The following FGD4 variants were observed in gnomAD, a reference collection of about 807,000 sequenced individuals.
FGD4 encodes the protein FYVE, RhoGEF and PH domain containing 4.
In FGD4, 42 loss-of-function variants were observed where a neutral mutation model predicts 102.0. That is an observed-to-expected ratio of 0.41 (90% CI 0.32 to 0.53). The LOEUF (loss-of-function observed/expected upper bound fraction) is 0.53. FGD4 is among the 20% of genes least tolerant of loss of function. The pLI is 0.21. For missense variants in FGD4, 902 were observed against 1,078.2 expected, an observed-to-expected ratio of 0.84 and a Z score of 2.29; for synonymous variants, 380 against 375.7, an observed-to-expected ratio of 1.01 and a Z score of -0.13.
Position 32,418,624 on chromosome 12 carries a change from C to T in FGD4, c.166+18665C>T, listed in dbSNP as rs565096798. ...GGGGGGTGGGGTGTCACCAGCACAC[C>T]GTGGCCACCACAACTGGGACTGTAC... On this transcript the variant is annotated intron_variant, in intron 1 of 16. Transcript: ENST00000534526. Among the ~76,000 whole-genome samples, 118 of 152,236 alleles carry T rather than the reference C, an allele frequency of 7.8e-4. 2 individuals carry two copies. The South Asian group carries it at 0.021, about 28-fold the overall frequency.
rs1055422424 is a variant in FGD4 at position 32,409,053 on chromosome 12, G to C, written c.166+9094G>C. ...CCAAATCACAATTTCTTTTTACATT[G>C]CAATCCAGCCCCTTCTCCTGACTTT... On this transcript the variant is annotated intron_variant, in intron 1 of 16. Coordinates refer to ENST00000534526, the MANE Select transcript of FGD4 (RefSeq NM_001370298.3). Among the ~76,000 whole-genome samples, 7 of 152,176 alleles carry C rather than the reference G, an allele frequency of 4.6e-5. No individual in the cohort carries two copies. In the South Asian group the frequency reaches 1.2e-3, roughly 27 times the overall value.
Position 32,602,227 on chromosome 12 carries a change from A to T in FGD4, c.1314A>T (p.Glu438Asp), listed in dbSNP as rs1174071012. The change falls in exon 7 of 17, where the codon GAA becomes GAT. Residue 438 changes from glutamate (E) to aspartate (D), a missense_variant. By Grantham distance (45) the Glu-to-Asp change is conservative. This residue lies in a region of FGD4 where 459 missense variants were observed against 619.0 expected (regional missense o/e 0.74). Coordinates refer to ENST00000534526, the MANE Select transcript of FGD4 (RefSeq NM_001370298.3). ...KLAPFLKMYG[E>D]YVKGFDNAME... is the part of the protein sequence containing the mutation. ...CACCATTCCTTAAGATGTATGGAGAATATGTGAAAGGATTTGATAATGCAA... is the reference window on the plus strand; with the variant it reads ...CACCATTCCTTAAGATGTATGGAGATTATGTGAAAGGATTTGATAATGCAA... 6.2e-7 allele frequency: 1 copy of T among 1,614,140 alleles called. No individual in the cohort carries two copies. Among genetic ancestry groups the T allele is most frequent in the Non-Finnish European group, 8.5e-7 (1 of 1,179,974 alleles).
chr12:32,636,492 C>G (rs1950823132), intron 15 of FGD4, among the ~76,000 whole-genome samples: 1 of 151,288 alleles, frequency 6.6e-6, no homozygotes, highest in African/African-American at 2.4e-5. Flanking sequence ...AAGATTGAAC[C>G]ATTGCACTCC....
intron 8 of FGD4, 35 bp from the exon 9 acceptor site, chr12:32,610,741 G>C (rs766270649): frequency 6.3e-7 from 1 of 1,582,842 alleles, no homozygotes; most frequent in Non-Finnish European, 8.7e-7. Flanking sequence ...GAAGGACAAA[G>C]CATATTTATT....
chr12:32,520,217 ATTTACTCTTCCAAATTGCTG>A lies in FGD4; in HGVS notation c.167-43918_167-43899del, dbSNP rs529608923. On this transcript the variant is annotated intron_variant, in intron 1 of 16. Transcript: ENST00000534526. ...TAAGTATGGAAGTAAACTGAGATAG[ATTTACTCTTCCAAATTGCTG>A]TATTGTGAAATATTTTACAATTTCT... 2.1e-3 allele frequency among the ~76,000 whole-genome samples: 308 copies of A among 149,168 alleles called. 2 individuals are homozygous for A. The highest frequency in any genetic ancestry group is 7.2e-3 in the African/African-American group (297 of 41,328).
At position 32,429,683 on chromosome 12, in the gene FGD4, C is replaced by A. The variant is rs535158872; in HGVS notation, c.166+29724C>A. Among the ~76,000 whole-genome samples, 4 of 152,356 alleles carry A rather than the reference C, an allele frequency of 2.6e-5. No homozygotes were observed. The East Asian group carries it at 5.8e-4, about 22-fold the overall frequency. ...GGGAGATGGGAGTTTAAACCCCTGACTGGGGCTGCTGCCTTTCTTTCAGAG... is the reference window on the plus strand; with the variant it reads ...GGGAGATGGGAGTTTAAACCCCTGAATGGGGCTGCTGCCTTTCTTTCAGAG... On this transcript the variant is annotated intron_variant, in intron 1 of 16. Transcript: ENST00000534526.
At chr12:32,579,068 CAG>C (rs375168102) in intron 3 of FGD4, among the ~76,000 whole-genome samples, 551 of 53,254 alleles carry the variant, frequency 0.01, 6 homozygotes, top group African/African-American at 0.043. Context: ...TTTTTTGAGA[CAG>C]AGTTTTGCTC....
intron 1 of FGD4, among the ~76,000 whole-genome samples, chr12:32,561,100 T>TTTTTTTTTTTTTTTTTG (rs1592223200): frequency 7.4e-6 from 1 of 134,276 alleles, no homozygotes. Context: ...TTTTTTTTTT[T>TTTTTTTTTTTTTTTTTG]TGAGATGGAG....
intron 1 of FGD4, among the ~76,000 whole-genome samples, chr12:32,488,335 T>A (rs1305550460): frequency 6.6e-6 from 1 of 152,194 alleles, no homozygotes; most frequent in Non-Finnish European, 1.5e-5. Context: ...TATAAATTCT[T>A]AAGTGTGCCT....
chr12:32,428,882 T>C (rs1941944129), intron 1 of FGD4, among the ~76,000 whole-genome samples: 1 of 152,234 alleles, frequency 6.6e-6, no homozygotes, highest in African/African-American at 2.4e-5. Context: ...CATCAGGTCA[T>C]TTATGTTCTT....
intron 1 of FGD4, among the ~76,000 whole-genome samples, chr12:32,427,180 C>T (rs1380371667): frequency 3.9e-5 from 6 of 152,006 alleles, no homozygotes; most frequent in Non-Finnish European, 7.4e-5. Context: ...TAGATCTTTC[C>T]CACTTTCTCC....
intron 1 of FGD4, among the ~76,000 whole-genome samples, chr12:32,468,264 A>T: frequency 6.8e-6 from 1 of 147,840 alleles, no homozygotes; most frequent in African/African-American, 2.5e-5. Flanking sequence ...TGAATGCTGT[A>T]TTTTTTTTTT....
intron 1 of FGD4, among the ~76,000 whole-genome samples, chr12:32,477,925 T>C (rs993634256): frequency 6.6e-6 from 1 of 152,216 alleles, no homozygotes; most frequent in Non-Finnish European, 1.5e-5. Flanking sequence ...CTGCCTTTGC[T>C]CATTCACTCG....
intron 1 of FGD4, among the ~76,000 whole-genome samples, chr12:32,410,999 C>T (rs1031085878): frequency 2.8e-5 from 4 of 142,390 alleles, no homozygotes; most frequent in Admixed American, 7.3e-5. Flanking sequence ...GGTGAGATAT[C>T]GGATCACTGC....
intron 1 of FGD4, among the ~76,000 whole-genome samples, chr12:32,473,656 G>C (rs1335084798): frequency 6.6e-6 from 1 of 152,058 alleles, no homozygotes; most frequent in African/African-American, 2.4e-5. Flanking sequence ...GACACACCTG[G>C]GTGCAGCTCA....
At chr12:32,401,071 G>A (rs1366232006) in intron 1 of FGD4, among the ~76,000 whole-genome samples, 1 of 152,226 alleles carries the variant, frequency 6.6e-6, no homozygotes, top group Non-Finnish European at 1.5e-5. Flanking sequence ...ACACTAGTGT[G>A]AAACAGTTTC....
chr12:32,438,902 C>T (rs1161335325), intron 1 of FGD4, among the ~76,000 whole-genome samples: 1 of 152,134 alleles, frequency 6.6e-6, no homozygotes, highest in African/African-American at 2.4e-5. Flanking sequence ...GCCACTGCGC[C>T]CGGCCCTACA....
intron 1 of FGD4, among the ~76,000 whole-genome samples, chr12:32,497,016 G>T (rs1034703802): frequency 1.3e-5 from 2 of 152,166 alleles, no homozygotes; most frequent in Non-Finnish European, 2.9e-5. Flanking sequence ...TGGGGCATTG[G>T]TAGATCTGGG....
chr12:32,518,801 T>A (rs1315126799), intron 1 of FGD4, among the ~76,000 whole-genome samples: 6 of 150,372 alleles, frequency 4.0e-5, no homozygotes, highest in Non-Finnish European at 8.8e-5. Flanking sequence ...AGATACTACA[T>A]CTTTTTCTTT....
Sources: gnomAD v4.1 joint callset for allele counts (sites outside exome capture counted in the v4.1 genomes callset) on GRCh38, gnomAD v4.1.1 for gene constraint, gnomAD v4.1.1 regional missense constraint, MANE v1.5 for transcripts, NCBI Gene and HGNC (gene_info 2026-07-23, HGNC 2026-07-21) for gene names.